The following JHY variants were observed in gnomAD, a reference collection of about 807,000 sequenced individuals.
JHY encodes the protein junctional cadherin complex regulator.
JHY carries 69 observed loss-of-function variants against 78.0 expected under a neutral mutation model. The observed-to-expected ratio is 0.88, with a 90% CI of 0.73 to 1.08. The LOEUF is 1.08. Among genes scored for constraint, JHY ranks in the 50% least tolerant of loss-of-function variants. The pLI is 0.00. For synonymous variants in JHY, 368 were observed against 342.6 expected (o/e 1.07, Z -0.82); for missense variants, 944 against 927.8 (o/e 1.02, Z -0.23).
chr11:122,922,215 T>G (rs1231952434), intron 3 of JHY, among the ~76,000 whole-genome samples: 1 of 152,192 alleles, frequency 6.6e-6, no homozygotes, highest in Non-Finnish European at 1.5e-5. Context: ...AAGTTTTTAT[T>G]TTTTCCCACT....
intron 2 of JHY, among the ~76,000 whole-genome samples, chr11:122,895,868 A>G (rs1862730189): frequency 6.6e-6 from 1 of 152,202 alleles, no homozygotes. Flanking sequence ...GGGGTTCTTC[A>G]GTATCATGTT....
chr11:122,888,778 A>G (rs1862548898), intron 2 of JHY, among the ~76,000 whole-genome samples: 1 of 152,024 alleles, frequency 6.6e-6, no homozygotes, highest in Admixed American at 6.6e-5. Flanking sequence ...CATTTATTTC[A>G]TAGGTGATCT....
Position 122,960,613 on chromosome 11 carries a change from T to C in JHY, c.*1168T>C. 3.3e-6 allele frequency: 1 copy of C among 300,484 alleles called. No homozygotes were observed. Among genetic ancestry groups the C allele is most frequent in the South Asian group, 4.2e-5 (1 of 23,822 alleles). The allele number at this position is 300,484 out of a possible 1,614,324, so 18.6% of individuals were successfully genotyped here. ...TATGCTTTATCCAAAGAAATATACA[T>C]GATTACCCCAGAGACCTTTTCTACT... On this transcript the variant is annotated 3_prime_UTR_variant, in exon 9 of 9. Coordinates refer to ENST00000227349, the MANE Select transcript of JHY (RefSeq NM_024806.4).
At chr11:122,907,648 C>A (rs1456819231) in intron 3 of JHY, among the ~76,000 whole-genome samples, 1 of 151,856 alleles carries the variant, frequency 6.6e-6, no homozygotes, top group African/African-American at 2.4e-5. Context: ...AGTTCGAGAC[C>A]AGCCTGACCA....
rs1864333948 is a variant in JHY, at chr11:122,962,380, C to T, written c.*2935C>T. Among the ~76,000 whole-genome samples the T allele has an allele frequency of 6.6e-6, 1 of 152,166 alleles. No homozygotes were observed. The highest frequency in any genetic ancestry group is 6.5e-5 in the Admixed American group (1 of 15,280). On this transcript the variant is annotated 3_prime_UTR_variant, in exon 9 of 9. Coordinates refer to ENST00000227349, the MANE Select transcript of JHY (RefSeq NM_024806.4). ...AAAAGATGCCTGTATGAAACCTTCT[C>T]TTAAAACTGAAAGCAGTTAGAATTG...
intron 2 of JHY, among the ~76,000 whole-genome samples, chr11:122,895,628 T>A (rs1193627863): frequency 6.6e-6 from 1 of 152,210 alleles, no homozygotes; most frequent in Admixed American, 6.5e-5. Flanking sequence ...TGCCTCCGTT[T>A]CTAACCTAGG....
In JHY at chr11:122,883,337, A is replaced by G. The variant is rs1023936322; in HGVS notation, c.-90+365A>G. ...AGAAAACCGAACGCCTCCCCTGGGC[A>G]GCTTCCGGCCTGTTTCAAACCAGGG... On this transcript the variant is annotated intron_variant, in intron 1 of 8. Coordinates refer to ENST00000227349, the MANE Select transcript of JHY (RefSeq NM_024806.4). The surrounding 1 kb of genome is among the most constrained non-coding windows in gnomAD (Gnocchi z 4.4). 2.6e-5 allele frequency among the ~76,000 whole-genome samples: 4 copies of G among 152,166 alleles called. No individual in the cohort carries two copies. Among genetic ancestry groups the G allele is most frequent in the Non-Finnish European group, 4.4e-5 (3 of 68,026 alleles).
rs937821091 is a variant in JHY, at chr11:122,963,056, G to A, written c.*3611G>A. On this transcript the variant is annotated 3_prime_UTR_variant, in exon 9 of 9. Coordinates refer to ENST00000227349, the MANE Select transcript of JHY (RefSeq NM_024806.4). ...TATGTACCTAATAGTTTTTTAGCATGTACAATCTGCCAACTTCCTTACAAC... is the reference window on the plus strand; with the variant it reads ...TATGTACCTAATAGTTTTTTAGCATATACAATCTGCCAACTTCCTTACAAC... Among the ~76,000 whole-genome samples the A allele has an allele frequency of 6.6e-6, 1 of 151,904 alleles. No individual in the cohort carries two copies. Among genetic ancestry groups the A allele is most frequent in the African/African-American group, 2.4e-5 (1 of 41,352 alleles).
At chr11:122,955,096 C>G (rs972271256) in intron 6 of JHY, among the ~76,000 whole-genome samples, 1 of 152,128 alleles carries the variant, frequency 6.6e-6, no homozygotes, top group Non-Finnish European at 1.5e-5. Context: ...GGGGAAGTAG[C>G]GAGTCTAAAC....
Position 122,883,521 on chromosome 11 carries a change from A to G in JHY, c.-90+549A>G, listed in dbSNP as rs925869143. Among the ~76,000 whole-genome samples the G allele has an allele frequency of 1.3e-5, 2 of 151,732 alleles. No individual in the cohort carries two copies. Among genetic ancestry groups the G allele is most frequent in the African/African-American group, 2.4e-5 (1 of 41,298 alleles). ...TTAGTCCCTAGGTGCCATCGGATCTATCGCTGTCTTGTTTATTCAGGAGAC... is the reference window on the plus strand; with the variant it reads ...TTAGTCCCTAGGTGCCATCGGATCTGTCGCTGTCTTGTTTATTCAGGAGAC... On this transcript the variant is annotated intron_variant, in intron 1 of 8. Coordinates refer to ENST00000227349, the MANE Select transcript of JHY (RefSeq NM_024806.4). The surrounding 1 kb of genome is among the most constrained non-coding windows in gnomAD (Gnocchi z 4.4).
At chr11:122,899,564 T>C (rs986188261) in intron 2 of JHY, among the ~76,000 whole-genome samples, 1 of 152,236 alleles carries the variant, frequency 6.6e-6, no homozygotes, top group African/African-American at 2.4e-5. Flanking sequence ...AAAGGAGTTA[T>C]TTATTCAAGA....
chr11:122,912,487 A>C (rs965073122), intron 3 of JHY, among the ~76,000 whole-genome samples: 1 of 152,164 alleles, frequency 6.6e-6, no homozygotes, highest in African/African-American at 2.4e-5. Context: ...GAGAAAAACT[A>C]AAACCAAAAC....
chr11:122,959,222 A>G, intron 8 of JHY, 26 bp from the exon 9 acceptor site: 1 of 1,590,202 alleles, frequency 6.3e-7, no homozygotes, highest in Non-Finnish European at 8.5e-7. Context: ...CCCATTTCAA[A>G]TAAAATTTCA....
chr11:122,900,591 T>C (rs962486720), intron 2 of JHY, among the ~76,000 whole-genome samples: 1 of 149,810 alleles, frequency 6.7e-6, no homozygotes, highest in Non-Finnish European at 1.5e-5. Context: ...AGGGAGACTT[T>C]ATATTGGGTC....
At chr11:122,916,823 G>C (rs577606986) in intron 3 of JHY, among the ~76,000 whole-genome samples, 1 of 152,116 alleles carries the variant, frequency 6.6e-6, no homozygotes, top group Middle Eastern at 3.4e-3. Context: ...ATTTTTAGTA[G>C]AGATAGGGTT....
At chr11:122,892,116 A>G (rs960009649) in intron 2 of JHY, among the ~76,000 whole-genome samples, 1 of 152,158 alleles carries the variant, frequency 6.6e-6, no homozygotes, top group Non-Finnish European at 1.5e-5. Flanking sequence ...GTCCTGGGAA[A>G]CAAATGTTTT....
chr11:122,890,112 G>C (rs998276145), intron 2 of JHY, among the ~76,000 whole-genome samples: 2 of 151,472 alleles, frequency 1.3e-5, no homozygotes, highest in African/African-American at 4.9e-5. Flanking sequence ...ATAAATGAAA[G>C]AATTGACAGG....
At chr11:122,952,257 A>C (rs1262385568) in intron 6 of JHY, among the ~76,000 whole-genome samples, 2 of 152,166 alleles carry the variant, frequency 1.3e-5, no homozygotes, top group Non-Finnish European at 2.9e-5. Flanking sequence ...GAATATACTG[A>C]AAACCATTGT....
At chr11:122,931,374 C>T (rs1863632408) in intron 4 of JHY, among the ~76,000 whole-genome samples, 1 of 151,982 alleles carries the variant, frequency 6.6e-6, no homozygotes, top group African/African-American at 2.4e-5. Context: ...ATATGAAAGC[C>T]CTTGTAATCA....
Sources: allele counts gnomAD v4.1 joint callset (sites outside exome capture counted in the v4.1 genomes callset), GRCh38; gene constraint gnomAD v4.1.1; non-coding constraint Gnocchi (gnomAD v3.1); transcripts MANE v1.5; gene names NCBI Gene and HGNC (gene_info 2026-07-23, HGNC 2026-07-21).